IFRD1: variants seen among roughly 807,000 people sequenced by gnomAD.
The protein encoded by IFRD1 is interferon-related developmental regulator 1.
Under a neutral mutation model 52.9 loss-of-function variants are expected in IFRD1, and 35 were observed. That is an observed-to-expected ratio of 0.66 (90% CI 0.51 to 0.88). The LOEUF (loss-of-function observed/expected upper bound fraction) is 0.88, where lower values mean the gene tolerates loss of function less well. Ranked by LOEUF, IFRD1 falls within the 40% of genes least tolerant of loss-of-function variation. IFRD1 has a pLI of 0.00. For synonymous variants in IFRD1, 184 were observed against 188.4 expected (o/e 0.98, Z 0.19); for missense variants, 517 against 550.8 (o/e 0.94, Z 0.61).
upstream of IFRD1, among the ~76,000 whole-genome samples, chr7:112,446,903 G>T (rs1795043980): frequency 3.3e-5 from 5 of 152,230 alleles, no homozygotes; most frequent in South Asian, 1.0e-3. Context: ...CTAAGAGTTT[G>T]ATATGGCATT....
In IFRD1 at chr7:112,430,356, G is replaced by A. The variant is rs570992445; in HGVS notation, c.-182+6924G>A. Among the ~76,000 whole-genome samples, 17 of 152,310 alleles carry A rather than the reference G, an allele frequency of 1.1e-4. No homozygotes were observed. In the Middle Eastern group the frequency reaches 0.014, roughly 122 times the overall value. On this transcript the variant is annotated intron_variant, in intron 1 of 12. Transcript: ENST00000005558. ...CAGTGCCGGGAATACAGCAGATAGG[G>A]AAGCCTGGCAACAATCTGGAAGGTG...
intron 1 of IFRD1, among the ~76,000 whole-genome samples, chr7:112,424,166 T>C (rs939387981): frequency 1.4e-4 from 22 of 152,112 alleles, no homozygotes; most frequent in African/African-American, 2.9e-4. Context: ...GACTCACTTA[T>C]GGTGTCTTAT....
At position 112,472,827 on chromosome 7, in the gene IFRD1, C is replaced by T. The variant is rs144614382; in HGVS notation, c.1232C>T (p.Thr411Met). The T allele has an allele frequency of 3.9e-4, 622 of 1,613,260 alleles. 1 individual carries two copies. Among genetic ancestry groups the T allele is most frequent in the Middle Eastern group, 3.3e-4 (2 of 6,062 alleles). The change falls in exon 11 of 12, where the codon ACG (threonine) becomes ATG (methionine). Residue 411 changes from threonine to methionine, a missense_variant. Transcript: ENST00000403825. ...CCCCCAGTGATGCTTGATGCTGCAA[C>T]GCTTAAAACGATGAAGATTTCTCGT... ...LGPPVMLDAATLKTMKISRFE... is the reference protein window; with the variant it reads ...LGPPVMLDAAMLKTMKISRFE...
chr7:112,456,986 T>C lies in IFRD1; in HGVS notation c.357T>C (p.Ile119=). The C allele has an allele frequency of 6.2e-7, 1 of 1,613,986 alleles. No individual in the cohort carries two copies. Among genetic ancestry groups the C allele is most frequent in the South Asian group, 1.1e-5 (1 of 91,078 alleles). Residue 119 remains isoleucine, a synonymous_variant, in exon 4 of 12, where the codon ATT becomes ATC. Transcript: ENST00000403825. ...CTTCAAAAATGCTGTATGAATTTAT[T>C]CTGGAAAGGAGAATGACTTTAACTG... The part of the protein sequence containing the change: ...ALASKMLYEF[I]LERRMTLTDS...
At chr7:112,469,523 C>CT (rs1795694540) in intron 9 of IFRD1, among the ~76,000 whole-genome samples, 1 of 152,130 alleles carries the variant, frequency 6.6e-6, no homozygotes, top group Non-Finnish European at 1.5e-5. Context: ...AAGCCATTTT[C>CT]TTTAAGTAAC....
At chr7:112,466,351 C>T (rs1379047345) in intron 8 of IFRD1, among the ~76,000 whole-genome samples, 3 of 152,060 alleles carry the variant, frequency 2.0e-5, no homozygotes, top group Non-Finnish European at 4.4e-5. Flanking sequence ...TGGTGATTCA[C>T]AAACTAAACT....
At chr7:112,431,295 C>T (rs1334679817) in intron 1 of IFRD1, among the ~76,000 whole-genome samples, 1 of 152,102 alleles carries the variant, frequency 6.6e-6, no homozygotes, top group East Asian at 1.9e-4. Flanking sequence ...ATTGATTGGT[C>T]TCAATATATA....
At chr7:112,455,670 G>C in intron 1 of IFRD1, 93 bp from the exon 2 acceptor site, 1 of 804,566 alleles carries the variant, frequency 1.2e-6, no homozygotes, top group Non-Finnish European at 2.2e-6. Context: ...TTTATTACTG[G>C]ATTTCTCTTT....
In IFRD1 at chr7:112,450,494, G is replaced by A. The variant is rs1795125699; in HGVS notation, c.-195G>A. The A allele has an allele frequency of 1.6e-6, 1 of 622,660 alleles. No individual in the cohort carries two copies. The highest frequency in any genetic ancestry group is 2.8e-5 in the East Asian group (1 of 36,000). The allele number at this position is 622,660 out of a possible 1,614,324, so 38.6% of individuals were successfully genotyped here. On this transcript the variant is annotated 5_prime_UTR_variant, in exon 1 of 12. Coordinates refer to ENST00000403825, the MANE Select transcript of IFRD1 (RefSeq NM_001550.4). Reference sequence around the variant, plus strand: ...CCCGCGCTAGAGAGAAACATGTATCGTTTTCGATCACAGCTCTTCACGGGG... The same window carrying A: ...CCCGCGCTAGAGAGAAACATGTATCATTTTCGATCACAGCTCTTCACGGGG...
At chr7:112,434,682 A>C (rs1340506166) in intron 1 of IFRD1, among the ~76,000 whole-genome samples, 1 of 152,206 alleles carries the variant, frequency 6.6e-6, no homozygotes, top group Non-Finnish European at 1.5e-5. Context: ...ATGGGATAAA[A>C]TTAAATAACT....
intron 1 of IFRD1, 88 bp downstream of exon 1, chr7:112,450,870 T>G: frequency 1.1e-6 from 1 of 897,698 alleles, no homozygotes; most frequent in Non-Finnish European, 1.8e-6. Flanking sequence ...TTGTAGTTCT[T>G]TCTCTGATGT....
At chr7:112,460,191 G>GCC (rs1452609703) in intron 5 of IFRD1, among the ~76,000 whole-genome samples, 3 of 148,566 alleles carry the variant, frequency 2.0e-5, no homozygotes, top group Non-Finnish European at 4.4e-5. Context: ...AAAAACCTTA[G>GCC]CCTCCCCATT....
chr7:112,460,994 C>G (rs1415327835), intron 5 of IFRD1, among the ~76,000 whole-genome samples: 1 of 152,072 alleles, frequency 6.6e-6, no homozygotes, highest in African/African-American at 2.4e-5. Flanking sequence ...AAGTAGATGG[C>G]TTGTGTAAGT....
chr7:112,464,226 T>G (rs572849163), intron 8 of IFRD1, among the ~76,000 whole-genome samples: 1 of 152,204 alleles, frequency 6.6e-6, no homozygotes, highest in Non-Finnish European at 1.5e-5. Flanking sequence ...TGTTACTAAC[T>G]TTGAAATCTA....
intron 1 of IFRD1, chr7:112,452,000 AC>A: frequency 1.0e-6 from 1 of 983,416 alleles, no homozygotes; most frequent in Non-Finnish European, 1.2e-6. Context: ...TTAATAATTG[AC>A]CATAGGGAGG....
intron 1 of IFRD1, among the ~76,000 whole-genome samples, chr7:112,430,944 A>C (rs1336718899): frequency 6.6e-6 from 1 of 152,226 alleles, no homozygotes; most frequent in African/African-American, 2.4e-5. Context: ...GGCCAGTGAG[A>C]GTGGAAGGAC....
intron 11 of IFRD1, among the ~76,000 whole-genome samples, chr7:112,474,860 T>C (rs1795854114): frequency 6.6e-6 from 1 of 152,228 alleles, no homozygotes; most frequent in Admixed American, 6.5e-5. Flanking sequence ...ACAATGTTGA[T>C]GTCCATTTTT....
At position 112,475,836 on chromosome 7, in the gene IFRD1, A is replaced by C; in HGVS notation, c.*317A>C. The stretch of plus-strand genomic sequence containing the variant: ...AATTTCTTACACTGTGGTTGTCAAG[A>C]ATACTGATTTACTATAATGATATAT... On this transcript the variant is annotated 3_prime_UTR_variant, in exon 12 of 12. Transcript: ENST00000403825. The C allele has an allele frequency of 3.5e-6, 1 of 285,380 alleles. No individual in the cohort carries two copies. The highest frequency in any genetic ancestry group is 6.6e-6 in the Non-Finnish European group (1 of 150,408). The allele number at this position is 285,380 out of a possible 1,614,324, so 17.7% of individuals were successfully genotyped here.
chr7:112,474,710 C>A (rs1214714671), intron 11 of IFRD1, among the ~76,000 whole-genome samples: 1 of 152,098 alleles, frequency 6.6e-6, no homozygotes. Flanking sequence ...AGATTTGACA[C>A]CATTGAGTTT....
Sources: gnomAD v4.1 joint callset for allele counts (sites outside exome capture counted in the v4.1 genomes callset) on GRCh38, gnomAD v4.1.1 for gene constraint, MANE v1.5 for transcripts, NCBI Gene and HGNC (gene_info 2026-07-23, HGNC 2026-07-21) for gene names.